CNOT4: variants seen among roughly 807,000 people sequenced by gnomAD.
The protein encoded by CNOT4 is CCR4-associated factor 4.
In CNOT4, 8 loss-of-function variants were observed where a neutral mutation model predicts 73.8. That is an observed-to-expected ratio of 0.11 (90% CI 0.06 to 0.20). CNOT4 has a LOEUF of 0.20. Ranked by LOEUF, CNOT4 falls within the 10% of genes least tolerant of loss-of-function variation. The pLI is 1.00. For synonymous variants in CNOT4, 293 were observed against 321.1 expected (o/e 0.91, Z 0.94); for missense variants, 564 against 883.4 (o/e 0.64, Z 4.58).
intron 1 of CNOT4, among the ~76,000 whole-genome samples, chr7:135,500,771 T>C (rs1803907301): frequency 6.6e-6 from 1 of 152,202 alleles, no homozygotes; most frequent in African/African-American, 2.4e-5. Context: ...TTACTGGTTA[T>C]AGCTATTCAA....
intron 10 of CNOT4, among the ~76,000 whole-genome samples, chr7:135,382,293 C>CTT (rs1323711400): frequency 1.3e-5 from 2 of 152,064 alleles, no homozygotes; most frequent in African/African-American, 4.8e-5. Context: ...TAGCCCCTGA[C>CTT]TAAGAAGTGG....
intron 1 of CNOT4, among the ~76,000 whole-genome samples, chr7:135,448,809 GA>G (rs927879485): frequency 1.3e-5 from 2 of 151,724 alleles, no homozygotes; most frequent in African/African-American, 4.8e-5. Flanking sequence ...ACACTGACTA[GA>G]AAAAATCACT....
Position 135,410,471 on chromosome 7 carries a change from C to T in CNOT4, c.821+44G>A, listed in dbSNP as rs1797531855. 3 of 1,252,420 alleles carry T rather than the reference C, an allele frequency of 2.4e-6. No individual in the cohort carries two copies. In the South Asian group the frequency reaches 5.8e-5, roughly 24 times the overall value. The allele number at this position is 1,252,420 out of a possible 1,614,324, so 77.6% of individuals were successfully genotyped here. A position where few individuals can be genotyped will look rare whatever the true frequency, so the allele number is the denominator to read the frequency against. On this transcript the variant is annotated intron_variant, in intron 7 of 11. Transcript: ENST00000541284. ...ATCTAAAATGAAAAGAGAAGATCAACTGATAAGAAGGTAAGATGTCTGACT... is the reference window on the plus strand; with the variant it reads ...ATCTAAAATGAAAAGAGAAGATCAATTGATAAGAAGGTAAGATGTCTGACT...
intron 10 of CNOT4, among the ~76,000 whole-genome samples, chr7:135,373,237 G>C (rs1214064601): frequency 6.6e-6 from 1 of 152,222 alleles, no homozygotes; most frequent in Non-Finnish European, 1.5e-5. Flanking sequence ...GGAATATCAG[G>C]AAAAGCCACT....
chr7:135,406,177 A>C (rs1217376176), intron 7 of CNOT4, among the ~76,000 whole-genome samples: 1 of 152,084 alleles, frequency 6.6e-6, no homozygotes, highest in African/African-American at 2.4e-5. Flanking sequence ...GTGGAAGTGG[A>C]AACCAAAGCA....
intron 3 of CNOT4, among the ~76,000 whole-genome samples, chr7:135,421,622 C>T (rs1001807715): frequency 2.0e-5 from 3 of 152,174 alleles, no homozygotes; most frequent in Non-Finnish European, 4.4e-5. Context: ...AAATTGGGTC[C>T]TTTATTTCAC....
chr7:135,497,478 T>C (rs905191984), intron 1 of CNOT4, among the ~76,000 whole-genome samples: 1 of 152,128 alleles, frequency 6.6e-6, no homozygotes, highest in Non-Finnish European at 1.5e-5. Context: ...TTATTGAGCA[T>C]CTACCATCAA....
At chr7:135,415,804 T>C (rs553865930) in intron 3 of CNOT4, among the ~76,000 whole-genome samples, 17 of 152,282 alleles carry the variant, frequency 1.1e-4, no homozygotes, top group Non-Finnish European at 1.8e-4. Flanking sequence ...TGATTTATCA[T>C]TGTGCATACA....
chr7:135,407,221 T>C (rs1323580881), intron 7 of CNOT4, among the ~76,000 whole-genome samples: 1 of 152,230 alleles, frequency 6.6e-6, no homozygotes, highest in Non-Finnish European at 1.5e-5. Context: ...CCTGCAGAAC[T>C]GTGAGCCAAA....
chr7:135,433,460 G>A (rs887647702), intron 2 of CNOT4, among the ~76,000 whole-genome samples: 15 of 148,118 alleles, frequency 1.0e-4, no homozygotes, highest in African/African-American at 2.3e-4. Flanking sequence ...GGGTTCAAGC[G>A]ATCCTCCCAC....
intron 10 of CNOT4, among the ~76,000 whole-genome samples, chr7:135,368,634 G>A (rs1795037628): frequency 6.6e-6 from 1 of 152,164 alleles, no homozygotes; most frequent in African/African-American, 2.4e-5. Flanking sequence ...AGTAGCATTC[G>A]TGGAGTTGCC....
intron 1 of CNOT4, among the ~76,000 whole-genome samples, chr7:135,453,674 T>G (rs1007429648): frequency 6.7e-6 from 1 of 150,088 alleles, no homozygotes; most frequent in Non-Finnish European, 1.5e-5. Context: ...TTTTGAAAAT[T>G]TAAACAAAAA....
intron 3 of CNOT4, among the ~76,000 whole-genome samples, chr7:135,420,667 T>C (rs556639438): frequency 6.7e-6 from 1 of 149,638 alleles, no homozygotes; most frequent in Non-Finnish European, 1.5e-5. Context: ...TAGAGGAGTA[T>C]ATAGAAGTGC....
At chr7:135,369,681 T>C (rs1372846461) in intron 10 of CNOT4, among the ~76,000 whole-genome samples, 1 of 152,234 alleles carries the variant, frequency 6.6e-6, no homozygotes, top group Non-Finnish European at 1.5e-5. Flanking sequence ...ATTTAGACTT[T>C]CAAACCTTTG....
chr7:135,383,824 TCA>T (rs1306119519), intron 10 of CNOT4, among the ~76,000 whole-genome samples: 1 of 152,156 alleles, frequency 6.6e-6, no homozygotes, highest in Non-Finnish European at 1.5e-5. Flanking sequence ...TCCACATCAC[TCA>T]CACCATTTCT....
intron 1 of CNOT4, among the ~76,000 whole-genome samples, chr7:135,446,258 G>A (rs545476837): frequency 6.6e-6 from 1 of 152,234 alleles, no homozygotes; most frequent in East Asian, 1.9e-4. Flanking sequence ...CTAGGGGGCT[G>A]GGGGAGAAGA....
intron 10 of CNOT4, among the ~76,000 whole-genome samples, chr7:135,375,179 C>G (rs766910071): frequency 5.0e-4 from 76 of 152,098 alleles, no homozygotes; most frequent in Non-Finnish European, 1.0e-3. Context: ...TTATTATATT[C>G]AAGTGTGAGC....
intron 1 of CNOT4, among the ~76,000 whole-genome samples, chr7:135,465,963 C>A (rs1380562636): frequency 6.6e-6 from 1 of 151,780 alleles, no homozygotes; most frequent in East Asian, 1.9e-4. Flanking sequence ...GCAGGAGAAT[C>A]GCTTGAACCT....
Position 135,387,904 on chromosome 7 carries a change from TATA to T in CNOT4, c.1627+6011_1627+6013del, listed in dbSNP as rs1379661966. The stretch of plus-strand genomic sequence containing the variant: ...CTTAGTCTCATTCTGGTCAGGTACT[TATA>T]ATATTATCTTATTATCACATTTTAA... On this transcript the variant is annotated intron_variant, in intron 10 of 11. Transcript: ENST00000541284. 3.1e-6 allele frequency: 3 copies of T among 960,910 alleles called. No homozygotes were observed. In the African/African-American group the frequency reaches 5.3e-5, roughly 17 times the overall value. The allele number at this position is 960,910 out of a possible 1,614,324, so 59.5% of individuals were successfully genotyped here.
Sources: allele counts gnomAD v4.1 joint callset (sites outside exome capture counted in the v4.1 genomes callset), GRCh38; gene constraint gnomAD v4.1.1; transcripts MANE v1.5; gene names NCBI Gene and HGNC (gene_info 2026-07-23, HGNC 2026-07-21).